The following GALNTL6 variants were observed in gnomAD, a reference collection of about 807,000 sequenced individuals.
The protein encoded by GALNTL6 is polypeptide N-acetylgalactosaminyltransferase-like 6.
Under a neutral mutation model 73.7 loss-of-function variants are expected in GALNTL6, and 46 were observed. The observed-to-expected ratio is 0.62, with a 90% CI of 0.49 to 0.80. The LOEUF (loss-of-function observed/expected upper bound fraction) is 0.80, where lower values mean the gene tolerates loss of function less well. Among genes scored for constraint, GALNTL6 ranks in the 30% least tolerant of loss-of-function variants. The pLI is 0.00. For missense variants in GALNTL6, 604 were observed against 755.0 expected (o/e 0.80, Z 2.34); for synonymous variants, 259 against 263.7 (o/e 0.98, Z 0.17).
chr4:172,394,836 G>A (rs554087046), intron 5 of GALNTL6, among the ~76,000 whole-genome samples: 3 of 152,206 alleles, frequency 2.0e-5, no homozygotes, highest in Admixed American at 2.0e-4. Context: ...GAGAACCCTT[G>A]TTTATGAAAT....
intron 3 of GALNTL6, among the ~76,000 whole-genome samples, chr4:172,232,347 T>G (rs1464417636): frequency 2.0e-5 from 3 of 152,156 alleles, no homozygotes; most frequent in African/African-American, 4.8e-5. Flanking sequence ...CTGTATGACT[T>G]TCTTCTTTCA....
At chr4:172,331,145 T>G (rs1353638257) in intron 4 of GALNTL6, among the ~76,000 whole-genome samples, 1 of 152,058 alleles carries the variant, frequency 6.6e-6, no homozygotes, top group Non-Finnish European at 1.5e-5. Context: ...TGTTAGTTCA[T>G]TTTTTGTTCT....
At chr4:171,942,269 T>TAAATAAATA (rs1423565851) in intron 2 of GALNTL6, among the ~76,000 whole-genome samples, 4 of 144,212 alleles carry the variant, frequency 2.8e-5, no homozygotes, top group South Asian at 2.2e-4. Flanking sequence ...TAAATAAATA[T>TAAATAAATA]AATATACAGA....
At chr4:171,825,096 T>C (rs1734788331) in intron 2 of GALNTL6, among the ~76,000 whole-genome samples, 1 of 152,152 alleles carries the variant, frequency 6.6e-6, no homozygotes, top group Non-Finnish European at 1.5e-5. Context: ...AAACGATCTT[T>C]TAAATTGTGT....
intron 2 of GALNTL6, among the ~76,000 whole-genome samples, chr4:171,878,691 C>T (rs1276506250): frequency 1.3e-5 from 2 of 152,056 alleles, no homozygotes; most frequent in East Asian, 3.9e-4. Context: ...AAGAAATGAT[C>T]GATGGTTCAT....
rs5864101 is a variant in GALNTL6, at chr4:171,951,611, C to CATAAGAATA, written c.138+136893_138+136894insATAAGAATA. On this transcript the variant is annotated intron_variant, in intron 2 of 12. Transcript: ENST00000506823. ...ACAACAGATAATATATAATTAAGCA[C>CATAAGAATA]TTTTAAAAATTACTTGTGCTACACA... 8.6e-5 allele frequency among the ~76,000 whole-genome samples: 13 copies of CATAAGAATA among 152,002 alleles called. No individual in the cohort carries two copies. The South Asian group carries it at 1.7e-3, about 19-fold the overall frequency.
chr4:172,271,394 C>T (rs536062048), intron 3 of GALNTL6, among the ~76,000 whole-genome samples: 1 of 152,202 alleles, frequency 6.6e-6, no homozygotes, highest in Admixed American at 6.5e-5. Context: ...TACATACACA[C>T]ATACATATGG....
intron 5 of GALNTL6, among the ~76,000 whole-genome samples, chr4:172,528,719 A>G (rs1413821130): frequency 1.3e-5 from 2 of 150,898 alleles, no homozygotes; most frequent in African/African-American, 4.9e-5. Flanking sequence ...AATTAGAAAC[A>G]CTTTTTTGAC....
At chr4:172,220,318 T>C (rs766874730) in intron 2 of GALNTL6, among the ~76,000 whole-genome samples, 29 of 151,808 alleles carry the variant, frequency 1.9e-4, no homozygotes, top group Admixed American at 6.6e-4. Flanking sequence ...TCCTTCTACT[T>C]GAATATAATG....
At chr4:172,205,763 T>C (rs939915355) in intron 2 of GALNTL6, among the ~76,000 whole-genome samples, 1 of 152,226 alleles carries the variant, frequency 6.6e-6, no homozygotes. Flanking sequence ...AAGTTCCCTC[T>C]GAAGTGCACA....
intron 7 of GALNTL6, among the ~76,000 whole-genome samples, chr4:172,870,181 T>C (rs1470694698): frequency 6.6e-6 from 1 of 152,160 alleles, no homozygotes; most frequent in African/African-American, 2.4e-5. Flanking sequence ...ATAAAGAGCC[T>C]AGGAGTCAAA....
chr4:172,294,652 T>C (rs1324303146), intron 3 of GALNTL6, among the ~76,000 whole-genome samples: 1 of 152,194 alleles, frequency 6.6e-6, no homozygotes, highest in Non-Finnish European at 1.5e-5. Context: ...ACTTTATCAT[T>C]AGTCCTTAGT....
intron 5 of GALNTL6, among the ~76,000 whole-genome samples, chr4:172,419,057 A>G (rs183563453): frequency 6.6e-6 from 1 of 152,164 alleles, no homozygotes; most frequent in East Asian, 1.9e-4. Context: ...TGTTGTTACT[A>G]TTGTATGGAT....
In GALNTL6 at chr4:172,445,944, TC is replaced by T. The variant is rs570597931; in HGVS notation, c.553+97257del. ...CCAGCAGACACTTGCTGAGTACCTG[TC>T]CTGTGCCAATACTGGGATATAAAAT... On this transcript the variant is annotated intron_variant, in intron 5 of 12. Transcript: ENST00000506823. Among the ~76,000 whole-genome samples, 28 of 152,240 alleles carry T rather than the reference TC, an allele frequency of 1.8e-4. No homozygotes were observed. In the South Asian group the frequency reaches 2.5e-3, roughly 14 times the overall value.
Position 172,402,191 on chromosome 4 carries a change from G to A in GALNTL6, c.553+53502G>A, listed in dbSNP as rs1218894274. ...AATTTTTTATAACTCTCATTTGGGA[G>A]CTTTAGGCTTTGTTCTATGCTGTGT... On this transcript the variant is annotated intron_variant, in intron 5 of 12. Transcript: ENST00000506823. 2.0e-4 allele frequency among the ~76,000 whole-genome samples: 30 copies of A among 152,032 alleles called. 1 individual carries two copies. The highest frequency in any genetic ancestry group is 2.0e-3 in the Admixed American group (30 of 15,222).
chr4:171,871,620 A>G (rs751048566), intron 2 of GALNTL6, among the ~76,000 whole-genome samples: 1 of 152,182 alleles, frequency 6.6e-6, no homozygotes, highest in Admixed American at 6.6e-5. Flanking sequence ...GCAAAAATGT[A>G]TAATGAATGT....
At chr4:172,544,707 T>A (rs1735687073) in intron 5 of GALNTL6, among the ~76,000 whole-genome samples, 1 of 152,218 alleles carries the variant, frequency 6.6e-6, no homozygotes, top group African/African-American at 2.4e-5. Context: ...GGGAATACTT[T>A]TGCTTTCCTA....
In GALNTL6 at chr4:172,382,092, C is replaced by G. The variant is rs189291694; in HGVS notation, c.553+33403C>G. Among the ~76,000 whole-genome samples the G allele has an allele frequency of 1.2e-3, 180 of 152,278 alleles. 1 individual carries two copies. The highest frequency in any genetic ancestry group is 2.8e-4 in the Non-Finnish European group (19 of 68,018). On this transcript the variant is annotated intron_variant, in intron 5 of 12. Transcript: ENST00000506823. ...TCAAGCAATTCTCCTGCCTCAGGCT[C>G]CCAAGTAGCTGGGACTACAGGCCAA...
intron 2 of GALNTL6, among the ~76,000 whole-genome samples, chr4:171,937,239 T>C (rs1257244173): frequency 6.6e-6 from 1 of 152,062 alleles, no homozygotes; most frequent in African/African-American, 2.4e-5. Context: ...TGCGATGAAA[T>C]GACATTGAAT....
Sources: gnomAD v4.1 joint callset for allele counts (sites outside exome capture counted in the v4.1 genomes callset) on GRCh38, gnomAD v4.1.1 for gene constraint, MANE v1.5 for transcripts, NCBI Gene and HGNC (gene_info 2026-07-23, HGNC 2026-07-21) for gene names.